The following DOP1B variants were observed in gnomAD, a reference collection of about 807,000 sequenced individuals.
DOP1B encodes the protein protein DOP1B.
DOP1B carries 174 observed loss-of-function variants against 233.5 expected under a neutral mutation model. The observed-to-expected ratio is 0.75, with a 90% CI of 0.66 to 0.85. The LOEUF (loss-of-function observed/expected upper bound fraction) is 0.85. Ranked by LOEUF, DOP1B falls within the 40% of genes least tolerant of loss-of-function variation. The pLI is 0.00. For missense variants in DOP1B, 2,652 were observed against 2,846.6 expected (o/e 0.93, Z 1.56); for synonymous variants, 1,190 against 1,185.6 (o/e 1.00, Z -0.08).
chr21:36,202,154 T>G (rs2066375337), intron 4 of DOP1B, among the ~76,000 whole-genome samples: 1 of 152,110 alleles, frequency 6.6e-6, no homozygotes, highest in Non-Finnish European at 1.5e-5. Flanking sequence ...ACCACTGCAC[T>G]CCAGCCTGGG....
intron 15 of DOP1B, among the ~76,000 whole-genome samples, chr21:36,234,454 C>A (rs2066803634): frequency 1.3e-5 from 2 of 152,088 alleles, no homozygotes; most frequent in South Asian, 4.1e-4. Context: ...GTGAGGGAAG[C>A]TTTTCCAAGT....
At position 36,225,770 on chromosome 21, in the gene DOP1B, A is replaced by G. The variant is rs984472055; in HGVS notation, c.1473+103A>G. On this transcript the variant is annotated intron_variant, in intron 12 of 36. Transcript: ENST00000691173. ...CCTCACATTACTGAAAATGTTTTAC[A>G]TAAATATGCAACACTGTTTTGATGT... 174 of 1,144,310 alleles carry G rather than the reference A, an allele frequency of 1.5e-4. 1 individual carries two copies. Among genetic ancestry groups the G allele is most frequent in the Non-Finnish European group, 1.3e-5 (10 of 782,600 alleles). 70.9% of individuals were successfully genotyped at this position (1,144,310 alleles called of 1,614,324 possible). A position where few individuals can be genotyped will look rare whatever the true frequency, so the allele number is the denominator to read the frequency against.
At chr21:36,169,579 T>C (rs2065951660) in intron 2 of DOP1B, 1 of 1,054,292 alleles carries the variant, frequency 9.5e-7, no homozygotes, top group Non-Finnish European at 1.5e-6. Context: ...CCTGCTGCTG[T>C]AGCCCCTCCT....
intron 10 of DOP1B, among the ~76,000 whole-genome samples, chr21:36,219,754 T>G (rs1467668206): frequency 6.6e-6 from 1 of 151,930 alleles, no homozygotes; most frequent in Non-Finnish European, 1.5e-5. Context: ...ATTGATTTTT[T>G]GATCAAGTAT....
chr21:36,167,885 A>T (rs968553152), intron 2 of DOP1B, among the ~76,000 whole-genome samples: 5 of 149,566 alleles, frequency 3.3e-5, no homozygotes, highest in African/African-American at 1.2e-4. Flanking sequence ...TTTACAGCTG[A>T]ATAATACTCT....
chr21:36,263,146 A>T (rs2067192541), intron 24 of DOP1B, among the ~76,000 whole-genome samples: 1 of 150,276 alleles, frequency 6.7e-6, no homozygotes, highest in Non-Finnish European at 1.5e-5. Flanking sequence ...AGGCAGGAGA[A>T]TCGCTTGAAC....
intron 2 of DOP1B, chr21:36,169,462 C>CCTGTGCCCCACA: frequency 9.2e-7 from 1 of 1,089,096 alleles, no homozygotes; most frequent in Non-Finnish European, 1.4e-6. Flanking sequence ...TCTTGTGGGG[C>CCTGTGCCCCACA]AGCTTCTTGG....
intron 23 of DOP1B, among the ~76,000 whole-genome samples, chr21:36,260,159 GA>G (rs34320440): frequency 0.89 from 119,775 of 135,100 alleles, 52,650 homozygotes; most frequent in East Asian, 0.99. Context: ...CTTGTAAAAA[GA>G]AAAAAAAAAA....
intron 9 of DOP1B, among the ~76,000 whole-genome samples, chr21:36,218,260 G>A (rs749650983): frequency 1.3e-5 from 2 of 152,116 alleles, no homozygotes; most frequent in Admixed American, 6.6e-5. Flanking sequence ...GGCCAGGTGC[G>A]GTGGCTCACA....
intron 3 of DOP1B, 38 bp downstream of exon 3, chr21:36,199,289 C>T: frequency 6.3e-7 from 1 of 1,582,698 alleles, no homozygotes; most frequent in Non-Finnish European, 8.6e-7. Context: ...TTTTATTACC[C>T]AAGTAACCGG....
Position 36,278,098 on chromosome 21 carries a change from C to T in DOP1B, c.5822+14C>T, listed in dbSNP as rs764106952. 1.4e-5 allele frequency: 23 copies of T among 1,613,088 alleles called. No homozygotes were observed. Among genetic ancestry groups the T allele is most frequent in the African/African-American group, 9.3e-5 (7 of 74,912 alleles). ...ACGCAACCACAGGTAACGTCATCTTCGCCATTTCTTCCCACCCATATGCAG... is the reference window on the plus strand; with the variant it reads ...ACGCAACCACAGGTAACGTCATCTTTGCCATTTCTTCCCACCCATATGCAG... On this transcript the variant is annotated intron_variant, in intron 29 of 36. Coordinates refer to ENST00000691173, the MANE Select transcript of DOP1B (RefSeq NM_001320714.2).
chr21:36,190,557 C>A (rs894122221), intron 2 of DOP1B, among the ~76,000 whole-genome samples: 13 of 152,040 alleles, frequency 8.6e-5, no homozygotes, highest in African/African-American at 3.1e-4. Flanking sequence ...GCTACTACGC[C>A]TGGCTAATTT....
At chr21:36,260,088 G>A (rs528853667) in intron 23 of DOP1B, among the ~76,000 whole-genome samples, 4 of 151,438 alleles carry the variant, frequency 2.6e-5, no homozygotes, top group African/African-American at 4.9e-5. Flanking sequence ...CCTGGGAAGC[G>A]GAGGTTGCAG....
intron 12 of DOP1B, 48 bp downstream of exon 12, chr21:36,225,715 C>A: frequency 6.3e-7 from 1 of 1,583,406 alleles, no homozygotes. Flanking sequence ...TATTTACATT[C>A]TTACTGGTGG....
intron 24 of DOP1B, chr21:36,261,984 A>G: frequency 4.1e-6 from 4 of 984,132 alleles, no homozygotes; most frequent in Non-Finnish European, 4.8e-6. Context: ...CTACATAGCC[A>G]TCAGGAGTCT....
intron 35 of DOP1B, among the ~76,000 whole-genome samples, chr21:36,289,690 C>T (rs1048305879): frequency 1.3e-5 from 2 of 152,172 alleles, no homozygotes; most frequent in African/African-American, 4.8e-5. Context: ...GAGGCTATTT[C>T]TCTCTCTCCT....
At chr21:36,217,917 G>A (rs2066579494) in intron 9 of DOP1B, among the ~76,000 whole-genome samples, 1 of 152,176 alleles carries the variant, frequency 6.6e-6, no homozygotes, top group Non-Finnish European at 1.5e-5. Context: ...ATGCACCTTG[G>A]TGAGCCAAGT....
chr21:36,288,191 T>A, intron 33 of DOP1B, 41 bp downstream of exon 33: 1 of 1,572,498 alleles, frequency 6.4e-7, no homozygotes, highest in Non-Finnish European at 8.6e-7. Context: ...AGGTTGGAGC[T>A]TTTTAAAATG....
chr21:36,188,956 A>G (rs1471971165), intron 2 of DOP1B, among the ~76,000 whole-genome samples: 2 of 152,220 alleles, frequency 1.3e-5, no homozygotes, highest in East Asian at 1.9e-4. Context: ...GTGGTAAAAT[A>G]CATATAAACA....
Sources: gnomAD v4.1 joint callset for allele counts (sites outside exome capture counted in the v4.1 genomes callset) on GRCh38, gnomAD v4.1.1 for gene constraint, MANE v1.5 for transcripts, NCBI Gene and HGNC (gene_info 2026-07-23, HGNC 2026-07-21) for gene names.